Variants in ZNF423 observed in about 807,000 individuals in gnomAD.
The protein encoded by ZNF423 is zinc finger protein 423, also known as Ebf-associated zinc finger protein.
ZNF423 carries 12 observed loss-of-function variants against 95.8 expected under a neutral mutation model. The observed-to-expected ratio is 0.13, with a 90% CI of 0.08 to 0.20. ZNF423 has a LOEUF of 0.20. Ranked by LOEUF, ZNF423 falls within the 10% of genes least tolerant of loss-of-function variation. The pLI is 1.00. For missense variants in ZNF423, 1,316 were observed against 1,737.1 expected (o/e 0.76, Z 4.31); for synonymous variants, 749 against 711.9 (o/e 1.05, Z -0.83).
intron 3 of ZNF423, among the ~76,000 whole-genome samples, chr16:49,707,546 G>C (rs375239673): frequency 2.6e-5 from 4 of 151,798 alleles, no homozygotes; most frequent in East Asian, 1.9e-4. Context: ...GAACCCAGGA[G>C]GGGGAGGTTG....
chr16:49,491,896 C>T (rs1262037015), intron 7 of ZNF423, among the ~76,000 whole-genome samples: 1 of 152,174 alleles, frequency 6.6e-6, no homozygotes. Flanking sequence ...CAGGAAGACG[C>T]GGGAGGAGCC....
In ZNF423 at chr16:49,855,327, C is replaced by T. The variant is rs1275602656; in HGVS notation, c.40+408G>A. ...GCCGCCTCTTCCTTCCTCCTGTCGC[C>T]CGCCCGCCGCCGCCGAGATTCGCAA... On this transcript the variant is annotated intron_variant, in intron 1 of 7. Coordinates refer to ENST00000563137, the MANE Select transcript of ZNF423 (RefSeq NM_001379286.1). This position sits in a 1 kb window ranked among gnomAD's most constrained non-coding sequence, Gnocchi z 4.7. Among the ~76,000 whole-genome samples, 9 of 151,556 alleles carry T rather than the reference C, an allele frequency of 5.9e-5. No homozygotes were observed. Among genetic ancestry groups the T allele is most frequent in the Non-Finnish European group, 1.2e-4 (8 of 67,794 alleles).
chr16:49,595,236 C>T (rs529704203), intron 5 of ZNF423, among the ~76,000 whole-genome samples: 10 of 152,352 alleles, frequency 6.6e-5, no homozygotes, highest in Non-Finnish European at 1.5e-4. Flanking sequence ...GGTTTCCCTG[C>T]CACTCCCAGC....
chr16:49,833,925 C>T (rs2035088790), intron 1 of ZNF423, among the ~76,000 whole-genome samples: 1 of 152,158 alleles, frequency 6.6e-6, no homozygotes, highest in Non-Finnish European at 1.5e-5. Flanking sequence ...GGTCAGGCCA[C>T]TGGACCACAG....
intron 5 of ZNF423, among the ~76,000 whole-genome samples, chr16:49,609,114 G>T (rs1971633983): frequency 6.6e-6 from 1 of 152,118 alleles, no homozygotes; most frequent in Non-Finnish European, 1.5e-5. Flanking sequence ...CAGAAATGAT[G>T]CATTCCTACC....
chr16:49,497,894 C>G (rs184256523), intron 7 of ZNF423, among the ~76,000 whole-genome samples: 1 of 152,292 alleles, frequency 6.6e-6, no homozygotes, highest in East Asian at 1.9e-4. Context: ...GTGCAGTAGA[C>G]GGAAGAGAGC....
At chr16:49,764,250 A>C (rs1158073010) in intron 2 of ZNF423, among the ~76,000 whole-genome samples, 2 of 152,226 alleles carry the variant, frequency 1.3e-5, no homozygotes, top group African/African-American at 4.8e-5. Context: ...CCCCTCCAGC[A>C]TAAGAGAAGA....
At chr16:49,571,930 G>C (rs1228057824) in intron 5 of ZNF423, among the ~76,000 whole-genome samples, 2 of 152,200 alleles carry the variant, frequency 1.3e-5, no homozygotes, top group Non-Finnish European at 2.9e-5. Context: ...AAACATTAAA[G>C]GAGAAGGTAA....
chr16:49,505,332 A>G (rs1967586937), intron 7 of ZNF423, among the ~76,000 whole-genome samples: 1 of 152,244 alleles, frequency 6.6e-6, no homozygotes, highest in Admixed American at 6.5e-5. Context: ...TGCAAATGAT[A>G]TAAGGAAACT....
rs534135485 is a variant in ZNF423 at position 49,632,550 on chromosome 16, C to T, written c.3516+3110G>A. 2.0e-5 allele frequency among the ~76,000 whole-genome samples: 3 copies of T among 152,206 alleles called. No homozygotes were observed. In the East Asian group the frequency reaches 5.8e-4, roughly 30 times the overall value. ...TCAGCTCATCCCTGCTCACACAAGG[C>T]CCAAAGGCAGGGAGAGGAAGGCCTG... On this transcript the variant is annotated intron_variant, in intron 4 of 7. Coordinates refer to ENST00000563137, the MANE Select transcript of ZNF423 (RefSeq NM_001379286.1).
At chr16:49,820,447 T>C (rs558230700) in intron 1 of ZNF423, among the ~76,000 whole-genome samples, 1 of 152,382 alleles carries the variant, frequency 6.6e-6, no homozygotes, top group African/African-American at 2.4e-5. Flanking sequence ...GCTGACAATC[T>C]GACTTTAATA....
chr16:49,714,948 G>A (rs1305761458), intron 3 of ZNF423, among the ~76,000 whole-genome samples: 1 of 152,120 alleles, frequency 6.6e-6, no homozygotes, highest in Non-Finnish European at 1.5e-5. Context: ...GGAATTTGAG[G>A]AGGGGAAGGC....
At chr16:49,532,123 T>C (rs1968868556) in intron 5 of ZNF423, among the ~76,000 whole-genome samples, 1 of 152,202 alleles carries the variant, frequency 6.6e-6, no homozygotes, top group Non-Finnish European at 1.5e-5. Context: ...TCACTTTTTG[T>C]CCACATTTTG....
chr16:49,808,431 T>C (rs541439596), intron 1 of ZNF423, among the ~76,000 whole-genome samples: 1 of 152,216 alleles, frequency 6.6e-6, no homozygotes, highest in East Asian at 1.9e-4. Flanking sequence ...GGAATAAATA[T>C]ATATAAGTAT....
chr16:49,829,547 C>A (rs1408293293), intron 1 of ZNF423, among the ~76,000 whole-genome samples: 1 of 152,218 alleles, frequency 6.6e-6, no homozygotes, highest in Non-Finnish European at 1.5e-5. Context: ...AGACCAGCAT[C>A]CATGTTGCCC....
intron 3 of ZNF423, among the ~76,000 whole-genome samples, chr16:49,720,760 T>A (rs1447505908): frequency 6.6e-6 from 1 of 152,214 alleles, no homozygotes; most frequent in East Asian, 1.9e-4. Context: ...TGCATGTAAT[T>A]CCTACCTCCT....
chr16:49,680,983 G>T (rs912125257), intron 3 of ZNF423, among the ~76,000 whole-genome samples: 3 of 152,200 alleles, frequency 2.0e-5, no homozygotes, highest in Admixed American at 6.5e-5. Flanking sequence ...GAGCCACCAT[G>T]CCCAGCCAAG....
chr16:49,745,290 A>G (rs1460983894), intron 2 of ZNF423, among the ~76,000 whole-genome samples: 2 of 152,230 alleles, frequency 1.3e-5, no homozygotes, highest in African/African-American at 4.8e-5. Context: ...GTGCTCTCCC[A>G]AAACACTTAT....
At chr16:49,510,361 G>T (rs1463137483) in intron 7 of ZNF423, among the ~76,000 whole-genome samples, 1 of 152,148 alleles carries the variant, frequency 6.6e-6, no homozygotes, top group Non-Finnish European at 1.5e-5. Context: ...TCATTTCTGG[G>T]GGGTGGACGT....
Sources: allele counts gnomAD v4.1 joint callset (sites outside exome capture counted in the v4.1 genomes callset), GRCh38; gene constraint gnomAD v4.1.1; non-coding constraint Gnocchi (gnomAD v3.1); transcripts MANE v1.5; gene names NCBI Gene and HGNC (gene_info 2026-07-23, HGNC 2026-07-21).